LRRC1: variants seen among roughly 807,000 people sequenced by gnomAD.
LRRC1 encodes the protein leucine-rich repeat-containing protein 1.
A neutral mutation model predicts 69.9 loss-of-function variants in LRRC1; 28 were observed. That is an observed-to-expected ratio of 0.40 (90% CI 0.30 to 0.55). The LOEUF (loss-of-function observed/expected upper bound fraction) is 0.55. Ranked by LOEUF, LRRC1 falls within the 20% of genes least tolerant of loss-of-function variation. The pLI is 0.47. For synonymous variants in LRRC1, 236 were observed against 240.2 expected (o/e 0.98, Z 0.16); for missense variants, 498 against 609.0 (o/e 0.82, Z 1.92).
Position 53,796,758 on chromosome 6 carries a change from A to G in LRRC1, c.159+1343A>G, listed in dbSNP as rs142999622. On this transcript the variant is annotated intron_variant, in intron 1 of 13. Coordinates refer to ENST00000370888, the MANE Select transcript of LRRC1 (RefSeq NM_018214.5). ...TTGCAAAGCCCCCCAGGCTTTATTT[A>G]GCTTAGAAGCAGCAAAGCCATCAAG... Among the ~76,000 whole-genome samples, 330 of 152,254 alleles carry G rather than the reference A, an allele frequency of 2.2e-3. 2 individuals are homozygous for G. Among genetic ancestry groups the G allele is most frequent in the African/African-American group, 7.6e-3 (315 of 41,530 alleles).
At chr6:53,868,746 C>T (rs1203691433) in intron 2 of LRRC1, among the ~76,000 whole-genome samples, 1 of 152,138 alleles carries the variant, frequency 6.6e-6, no homozygotes, top group Admixed American at 6.5e-5. Flanking sequence ...TGGTAATCTG[C>T]TATCAAGAGA....
chr6:53,880,736 C>T (rs1212165789), intron 3 of LRRC1, among the ~76,000 whole-genome samples: 1 of 152,150 alleles, frequency 6.6e-6, no homozygotes, highest in African/African-American at 2.4e-5. Context: ...TAAGTTATTT[C>T]TCTGACCAAG....
intron 10 of LRRC1, among the ~76,000 whole-genome samples, chr6:53,906,631 A>G (rs1768246847): frequency 6.6e-6 from 1 of 152,218 alleles, no homozygotes; most frequent in Non-Finnish European, 1.5e-5. Flanking sequence ...GTTTCTGACT[A>G]GAGGGTTATA....
intron 1 of LRRC1, among the ~76,000 whole-genome samples, chr6:53,840,527 G>A (rs1765748124): frequency 6.6e-6 from 1 of 151,904 alleles, no homozygotes; most frequent in African/African-American, 2.4e-5. Flanking sequence ...AGCATGTCCT[G>A]CAGTTTCCTG....
chr6:53,842,096 C>G lies in LRRC1; in HGVS notation c.160-14C>G, dbSNP rs748549825. The G allele has an allele frequency of 2.0e-6, 3 of 1,531,612 alleles. No homozygotes were observed. The African/African-American group carries it at 4.1e-5, about 21-fold the overall frequency. The allele number at this position is 1,531,612 out of a possible 1,614,324, so 94.9% of individuals were successfully genotyped here. ...ACATATGTGAAATCTATGTTAAACTCTTTTGTCTTTCAGCAATTTTTCCAG... is the reference window on the plus strand; with the variant it reads ...ACATATGTGAAATCTATGTTAAACTGTTTTGTCTTTCAGCAATTTTTCCAG... On this transcript the variant is annotated splice_polypyrimidine_tract_variant and intron_variant, in intron 1 of 13. Coordinates refer to ENST00000370888, the MANE Select transcript of LRRC1 (RefSeq NM_018214.5).
intron 1 of LRRC1, among the ~76,000 whole-genome samples, chr6:53,825,041 A>T (rs547311842): frequency 6.6e-6 from 1 of 152,290 alleles, no homozygotes; most frequent in East Asian, 1.9e-4. Context: ...AGGACATTTG[A>T]TGTTCCCTGC....
intron 7 of LRRC1, among the ~76,000 whole-genome samples, chr6:53,897,637 C>T (rs932560409): frequency 1.3e-5 from 2 of 152,156 alleles, no homozygotes; most frequent in African/African-American, 4.8e-5. Context: ...ATATAGCTTA[C>T]TTCAAGCCCA....
intron 4 of LRRC1, among the ~76,000 whole-genome samples, chr6:53,887,715 T>A (rs1351856810): frequency 6.6e-6 from 1 of 152,160 alleles, no homozygotes; most frequent in African/African-American, 2.4e-5. Flanking sequence ...TCTCCCCTCT[T>A]TCATGGCCCT....
chr6:53,882,979 A>C lies in LRRC1; in HGVS notation c.446+3A>C. 1.9e-6 allele frequency: 3 copies of C among 1,598,918 alleles called. No individual in the cohort carries two copies. The highest frequency in any genetic ancestry group is 2.6e-6 in the Non-Finnish European group (3 of 1,169,708). On this transcript the variant is annotated splice_donor_region_variant and intron_variant, in intron 4 of 13. Coordinates refer to ENST00000370888, the MANE Select transcript of LRRC1 (RefSeq NM_018214.5). ...TCTCTACCTGAAAATATTGGCAAGTAAGTTTTTTTGTGAAGTTTGGGTGGA... is the reference window on the plus strand; with the variant it reads ...TCTCTACCTGAAAATATTGGCAAGTCAGTTTTTTTGTGAAGTTTGGGTGGA...
At chr6:53,870,109 G>A (rs1217970307) in intron 2 of LRRC1, among the ~76,000 whole-genome samples, 1 of 152,174 alleles carries the variant, frequency 6.6e-6, no homozygotes, top group African/African-American at 2.4e-5. Context: ...TTACCTTCCT[G>A]TAAACCGGAC....
At chr6:53,831,081 C>G (rs1765414784) in intron 1 of LRRC1, among the ~76,000 whole-genome samples, 1 of 151,482 alleles carries the variant, frequency 6.6e-6, no homozygotes, top group Non-Finnish European at 1.5e-5. Flanking sequence ...GGAAATACCA[C>G]AATATATGTT....
At chr6:53,866,108 C>A (rs940652664) in intron 2 of LRRC1, among the ~76,000 whole-genome samples, 10 of 152,090 alleles carry the variant, frequency 6.6e-5, no homozygotes, top group African/African-American at 2.4e-4. Context: ...ACCAAGAAAG[C>A]ATATGCCCCA....
intron 8 of LRRC1, among the ~76,000 whole-genome samples, chr6:53,901,486 C>T (rs1244694567): frequency 4.0e-5 from 6 of 151,156 alleles, no homozygotes; most frequent in Non-Finnish European, 5.9e-5. Flanking sequence ...TTTGAGGCTG[C>T]GGTGAGCCGT....
intron 1 of LRRC1, among the ~76,000 whole-genome samples, chr6:53,802,391 G>T (rs938888316): frequency 4.6e-4 from 70 of 152,306 alleles, no homozygotes; most frequent in African/African-American, 1.6e-3. Flanking sequence ...CTTCCCATCT[G>T]CTGCTCTTTC....
intron 2 of LRRC1, among the ~76,000 whole-genome samples, chr6:53,853,686 G>A (rs569634480): frequency 5.9e-4 from 90 of 152,314 alleles, no homozygotes; most frequent in African/African-American, 1.9e-3. Flanking sequence ...CTGTTGTGCT[G>A]TCTTGGCAAA....
At position 53,882,954 on chromosome 6, in the gene LRRC1, T is replaced by G; in HGVS notation, c.424T>G (p.Ser142Ala). The G allele has an allele frequency of 6.2e-7, 1 of 1,610,514 alleles. No individual in the cohort carries two copies. The highest frequency in any genetic ancestry group is 8.5e-7 in the Non-Finnish European group (1 of 1,178,600). ...TTCTGTAAATGACATCTCACTACAG[T>G]CTCTACCTGAAAATATTGGCAAGTA... ...CLSVNDISLQSLPENIGNLYN... is the reference protein window; with the variant it reads ...CLSVNDISLQALPENIGNLYN... Residue 142 changes from serine (S) to alanine (A), a missense_variant, in exon 4 of 14, where the codon TCT becomes GCT. By Grantham distance (99) the Ser-to-Ala change is moderately conservative. Around this residue, in one of 3 missense-constraint regions of LRRC1, gnomAD observed 266 missense variants for 383.9 expected, o/e 0.69. Coordinates refer to ENST00000370888, the MANE Select transcript of LRRC1 (RefSeq NM_018214.5).
chr6:53,874,699 C>G (rs185360181), intron 2 of LRRC1, among the ~76,000 whole-genome samples: 1 of 152,242 alleles, frequency 6.6e-6, no homozygotes, highest in Non-Finnish European at 1.5e-5. Flanking sequence ...TGTTTTGGCT[C>G]AGATTGAATG....
chr6:53,854,630 G>T (rs926264884), intron 2 of LRRC1, among the ~76,000 whole-genome samples: 1 of 152,148 alleles, frequency 6.6e-6, no homozygotes, highest in Non-Finnish European at 1.5e-5. Context: ...CTCATGAGTA[G>T]TGAATTGGTA....
chr6:53,829,332 C>G (rs2127411799), intron 1 of LRRC1, among the ~76,000 whole-genome samples: 1 of 152,266 alleles, frequency 6.6e-6, no homozygotes, highest in Non-Finnish European at 1.5e-5. Context: ...GAGTGCCTGG[C>G]CTAATGTCTG....
Sources: gnomAD v4.1 joint callset for allele counts (sites outside exome capture counted in the v4.1 genomes callset) on GRCh38, gnomAD v4.1.1 for gene constraint, gnomAD v4.1.1 regional missense constraint, MANE v1.5 for transcripts, NCBI Gene and HGNC (gene_info 2026-07-23, HGNC 2026-07-21) for gene names.